The following CUX1 variants were observed in gnomAD, a reference collection of about 807,000 sequenced individuals.
CUX1 encodes protein CASP.
CUX1 carries 31 observed loss-of-function variants against 158.8 expected under a neutral mutation model. The observed-to-expected ratio is 0.20, with a 90% CI of 0.15 to 0.26. The LOEUF is 0.26. Among genes scored for constraint, CUX1 ranks in the 10% least tolerant of loss-of-function variants. The pLI is 1.00. For missense variants in CUX1, 1,589 were observed against 2,014.6 expected (o/e 0.79, Z 4.04); for synonymous variants, 879 against 862.1 (o/e 1.02, Z -0.34).
At chr7:101,950,112 G>A (rs374770136) in intron 2 of CUX1, among the ~76,000 whole-genome samples, 2 of 151,342 alleles carry the variant, frequency 1.3e-5, no homozygotes, top group East Asian at 4.0e-4. Context: ...CTGGGTTTAA[G>A]CGTTCTCGTG....
intron 20 of CUX1, among the ~76,000 whole-genome samples, chr7:102,222,837 T>TTTTTTTTTTTTTTTTTTA (rs1797954751): frequency 1.4e-5 from 1 of 71,368 alleles, no homozygotes. Context: ...TTTTTTTTTT[T>TTTTTTTTTTTTTTTTTTA]GAGACAGAGT....
chr7:102,105,297 C>T (rs966220643), intron 6 of CUX1, among the ~76,000 whole-genome samples: 5 of 152,052 alleles, frequency 3.3e-5, no homozygotes, highest in African/African-American at 4.8e-5. Context: ...CTTTCATTAC[C>T]TCACATATCA....
intron 2 of CUX1, among the ~76,000 whole-genome samples, chr7:101,956,138 CAAAAAAAAAAA>C (rs11462111): frequency 6.2e-5 from 4 of 64,978 alleles, no homozygotes; most frequent in South Asian, 7.6e-4. Flanking sequence ...GCCCACGTCT[CAAAAAAAAAAA>C]AAAAAAAAAA....
rs373902888 is a variant in CUX1 at position 102,050,384 on chromosome 7, C to T, written c.190-19955C>T. On this transcript the variant is annotated intron_variant, in intron 3 of 23. Transcript: ENST00000292535. ...TAACTTCTTCAATAGCCGTAGTCCC[C>T]AGGATTTAACCTTCTGGGGCTTTCC... Among the ~76,000 whole-genome samples, 56 of 152,276 alleles carry T rather than the reference C, an allele frequency of 3.7e-4. 1 individual carries two copies. Among genetic ancestry groups the T allele is most frequent in the African/African-American group, 1.2e-3 (51 of 41,558 alleles).
At chr7:101,999,716 C>T (rs1325395456) in intron 2 of CUX1, among the ~76,000 whole-genome samples, 1 of 152,228 alleles carries the variant, frequency 6.6e-6, no homozygotes, top group Non-Finnish European at 1.5e-5. Flanking sequence ...CTTTCCAAGG[C>T]AGTCTGCACT....
chr7:101,834,320 C>T (rs996302977), intron 1 of CUX1, among the ~76,000 whole-genome samples: 7 of 151,730 alleles, frequency 4.6e-5, no homozygotes, highest in African/African-American at 7.3e-5. Context: ...ACTACAGACA[C>T]CCGCCACCAC....
chr7:102,257,509 T>TG lies in CUX1; in HGVS notation c.*8472dup. ...AGAATAGCTTGTTATAAAATAAAAG[T>TG]GGGGGTAAAAAGAAGGTGGTTTTCC... On this transcript the variant is annotated 3_prime_UTR_variant, in exon 24 of 24. Transcript: ENST00000292535. 3 of 985,296 alleles carry TG rather than the reference T, an allele frequency of 3.0e-6. No individual in the cohort carries two copies. The highest frequency in any genetic ancestry group is 3.6e-6 in the Non-Finnish European group (3 of 829,894). 61.0% of individuals were successfully genotyped at this position (985,296 alleles called of 1,614,324 possible).
chr7:102,235,050 T>C, intron 22 of CUX1, among the ~76,000 whole-genome samples: 1 of 152,212 alleles, frequency 6.6e-6, no homozygotes, highest in East Asian at 1.9e-4. Context: ...TCTCTTGCTG[T>C]TATTTCCCAG....
chr7:102,239,209 T>A, intron 22 of CUX1, 111 bp from the exon 23 acceptor site: 1 of 1,266,932 alleles, frequency 7.9e-7, no homozygotes, highest in Non-Finnish European at 1.1e-6. Flanking sequence ...TTTGAGATGC[T>A]CTATGCAAAG....
intron 2 of CUX1, among the ~76,000 whole-genome samples, chr7:101,936,404 A>G (rs963153717): frequency 1.3e-5 from 2 of 152,106 alleles, no homozygotes; most frequent in Non-Finnish European, 2.9e-5. Context: ...CCAGAGCGAG[A>G]TGAAGGTCAC....
intron 1 of CUX1, among the ~76,000 whole-genome samples, chr7:101,833,460 C>T (rs950816567): frequency 6.8e-6 from 1 of 147,026 alleles, no homozygotes; most frequent in Non-Finnish European, 1.5e-5. Flanking sequence ...GAGGCTGAGG[C>T]AGGAGGATCG....
intron 14 of CUX1, among the ~76,000 whole-genome samples, chr7:102,270,821 G>A (rs1300937146): frequency 2.0e-5 from 3 of 152,178 alleles, no homozygotes; most frequent in African/African-American, 2.4e-5. Flanking sequence ...TAGGATAGAG[G>A]GTTTGCAGCC....
chr7:102,203,180 T>A (rs1795625513), intron 18 of CUX1, among the ~76,000 whole-genome samples: 1 of 152,158 alleles, frequency 6.6e-6, no homozygotes, highest in Non-Finnish European at 1.5e-5. Flanking sequence ...TTGGCCAGGC[T>A]GGTCTCCTGA....
intron 1 of CUX1, among the ~76,000 whole-genome samples, chr7:101,863,972 A>G (rs1187121715): frequency 1.3e-5 from 2 of 152,040 alleles, no homozygotes; most frequent in African/African-American, 2.4e-5. Context: ...CGTTGCTTCT[A>G]CCATTTGGCT....
chr7:102,209,844 C>T (rs1346258573), intron 20 of CUX1, among the ~76,000 whole-genome samples: 3 of 152,078 alleles, frequency 2.0e-5, no homozygotes, highest in Non-Finnish European at 2.9e-5. Flanking sequence ...AGAGTGTGGC[C>T]TTCTTATCAT....
chr7:102,109,107 G>A (rs1197883410), intron 6 of CUX1, among the ~76,000 whole-genome samples: 1 of 151,912 alleles, frequency 6.6e-6, no homozygotes, highest in African/African-American at 2.4e-5. Context: ...CAAACATACT[G>A]GAAGAAAACT....
rs1794858684 is a variant in CUX1 at position 102,196,897 on chromosome 7, G to A, written c.1486G>A (p.Ala496Thr). 6.2e-7 allele frequency: 1 copy of A among 1,614,036 alleles called. No homozygotes were observed. The highest frequency in any genetic ancestry group is 2.2e-5 in the East Asian group (1 of 44,890). ...GCTAATGCAGTCCTTCTACTCCAAG[G>A]CTATGCAGGAAGCCGGAAGCACAAG... ...RQLMQSFYSK[A>T]MQEAGSTSMI... is the part of the protein sequence containing the mutation. The change falls in exon 15 of 24, where the codon GCT becomes ACT. Residue 496 changes from alanine (A) to threonine (T), a missense_variant. Ala to Thr is a moderately conservative substitution (Grantham distance 58). Coordinates refer to ENST00000292535, the MANE Select transcript of CUX1 (RefSeq NM_181552.4).
chr7:101,910,210 G>C (rs961992822), intron 1 of CUX1, among the ~76,000 whole-genome samples: 1 of 152,086 alleles, frequency 6.6e-6, no homozygotes, highest in Non-Finnish European at 1.5e-5. Context: ...ACAGTGGCTT[G>C]ATTATGACTC....
intron 8 of CUX1, among the ~76,000 whole-genome samples, chr7:102,129,845 A>G (rs1280025438): frequency 6.6e-6 from 1 of 152,166 alleles, no homozygotes; most frequent in African/African-American, 2.4e-5. Flanking sequence ...ATCTGGTTCC[A>G]TCTGACTTGG....
Sources: gnomAD v4.1 joint callset for allele counts (sites outside exome capture counted in the v4.1 genomes callset) on GRCh38, gnomAD v4.1.1 for gene constraint, MANE v1.5 for transcripts, NCBI Gene and HGNC (gene_info 2026-07-23, HGNC 2026-07-21) for gene names.